The following PDE11A variants were observed in gnomAD, a reference collection of about 807,000 sequenced individuals.
PDE11A encodes the protein phosphodiesterase 11A.
Under a neutral mutation model 100.5 loss-of-function variants are expected in PDE11A, and 100 were observed. The observed-to-expected ratio is 1.00, with a 90% CI of 0.85 to 1.18. The LOEUF (loss-of-function observed/expected upper bound fraction) is 1.18, where lower values mean the gene tolerates loss of function less well. Among genes scored for constraint, PDE11A ranks in the 50% most tolerant of loss-of-function variants. The pLI, the probability that PDE11A is intolerant of heterozygous loss-of-function variation, is 0.00. For missense variants in PDE11A, 1,141 were observed against 1,152.6 expected (o/e 0.99, Z 0.15); for synonymous variants, 381 against 420.8 (o/e 0.91, Z 1.16).
chr2:177,644,293 C>T (rs771553185), intron 19 of PDE11A, among the ~76,000 whole-genome samples: 1 of 152,210 alleles, frequency 6.6e-6, no homozygotes, highest in Non-Finnish European at 1.5e-5. Context: ...GCAGAGCTTC[C>T]CAAGACCACA....
At position 178,048,316 on chromosome 2, in the gene PDE11A, C is replaced by T. The variant is rs927737192; in HGVS notation, c.912+23210G>A. 4.0e-5 allele frequency among the ~76,000 whole-genome samples: 6 copies of T among 151,764 alleles called. No homozygotes were observed. In the East Asian group the frequency reaches 1.2e-3, roughly 29 times the overall value. On this transcript the variant is annotated intron_variant, in intron 1 of 19. Transcript: ENST00000286063. ...GAAGATAAAGAAGATAAGGCAGAGG[C>T]AAGAGAGTATTGGGATGGGGGGCTG...
intron 12 of PDE11A, among the ~76,000 whole-genome samples, chr2:177,719,666 C>A (rs1418433177): frequency 6.6e-6 from 1 of 151,970 alleles, no homozygotes; most frequent in Non-Finnish European, 1.5e-5. Flanking sequence ...AATTTGAAGG[C>A]CTTATGAGCT....
intron 6 of PDE11A, among the ~76,000 whole-genome samples, chr2:177,821,240 A>T (rs1411129394): frequency 6.6e-6 from 1 of 151,834 alleles, no homozygotes; most frequent in African/African-American, 2.4e-5. Context: ...AATTTTCCAG[A>T]TATCTTCTAT....
chr2:178,024,316 G>A (rs186439262), intron 1 of PDE11A, among the ~76,000 whole-genome samples: 1 of 152,294 alleles, frequency 6.6e-6, no homozygotes, highest in Admixed American at 6.5e-5. Context: ...GGAGGCCGAG[G>A]CAGGAGAATT....
intron 6 of PDE11A, among the ~76,000 whole-genome samples, chr2:177,826,948 C>T (rs931635414): frequency 6.6e-6 from 1 of 152,158 alleles, no homozygotes; most frequent in Non-Finnish European, 1.5e-5. Flanking sequence ...CTTAATGTTT[C>T]CAATTTTGCA....
intron 5 of PDE11A, among the ~76,000 whole-genome samples, chr2:177,850,282 G>A (rs1450331706): frequency 6.6e-6 from 1 of 152,106 alleles, no homozygotes; most frequent in Non-Finnish European, 1.5e-5. Context: ...CAAGAAATGG[G>A]GAAAGGATTC....
At chr2:177,814,040 T>A (rs774378453) in intron 9 of PDE11A, among the ~76,000 whole-genome samples, 13 of 152,080 alleles carry the variant, frequency 8.5e-5, no homozygotes, top group Non-Finnish European at 1.6e-4. Context: ...TAGCCCAGGA[T>A]CTCAGAAAGA....
Position 177,696,403 on chromosome 2 carries a change from G to T in PDE11A, c.2345+929C>A, listed in dbSNP as rs573357472. ...AGGATCTAGAAAAGAAGAGAGAAAGGCAGCTGGAGATTGGGCAAGCAAGGA... is the reference window on the plus strand; with the variant it reads ...AGGATCTAGAAAAGAAGAGAGAAAGTCAGCTGGAGATTGGGCAAGCAAGGA... On this transcript the variant is annotated intron_variant, in intron 15 of 19. Coordinates refer to ENST00000286063, the MANE Select transcript of PDE11A (RefSeq NM_016953.4). Among the ~76,000 whole-genome samples the T allele has an allele frequency of 3.3e-5, 5 of 152,240 alleles. No individual in the cohort carries two copies. The East Asian group carries it at 9.7e-4, about 29-fold the overall frequency.
intron 4 of PDE11A, among the ~76,000 whole-genome samples, chr2:177,890,074 C>T (rs957354852): frequency 6.6e-6 from 1 of 152,180 alleles, no homozygotes; most frequent in East Asian, 1.9e-4. Context: ...TGTGTTCTCA[C>T]CAACACTGCT....
chr2:177,807,980 A>C lies in PDE11A; in HGVS notation c.1737+8849T>G, dbSNP rs554422239. Among the ~76,000 whole-genome samples the C allele has an allele frequency of 3.3e-5, 5 of 152,342 alleles. No homozygotes were observed. In the East Asian group the frequency reaches 9.7e-4, roughly 29 times the overall value. On this transcript the variant is annotated intron_variant, in intron 9 of 19. Coordinates refer to ENST00000286063, the MANE Select transcript of PDE11A (RefSeq NM_016953.4). ...CACATCTCTTGGGGTAGGTGAGAAA[A>C]CATTAATGAAAGACGTGAAATTTGA...
intron 10 of PDE11A, among the ~76,000 whole-genome samples, chr2:177,740,698 C>A (rs970501372): frequency 6.6e-6 from 1 of 152,248 alleles, no homozygotes; most frequent in Non-Finnish European, 1.5e-5. Context: ...AGATCCACTG[C>A]AGCACAGCAT....
At chr2:177,981,713 C>T (rs1479846184) in intron 2 of PDE11A, among the ~76,000 whole-genome samples, 1 of 150,848 alleles carries the variant, frequency 6.6e-6, no homozygotes, top group Non-Finnish European at 1.5e-5. Context: ...GAACACAACT[C>T]ACCCTATAAC....
intron 4 of PDE11A, among the ~76,000 whole-genome samples, chr2:177,895,713 T>C (rs2084602377): frequency 1.3e-5 from 2 of 152,072 alleles, no homozygotes; most frequent in Non-Finnish European, 1.5e-5. Flanking sequence ...GTTGAACTCA[T>C]AGAAGAAAAA....
chr2:177,769,044 A>C (rs1316237337), intron 10 of PDE11A, among the ~76,000 whole-genome samples: 1 of 152,156 alleles, frequency 6.6e-6, no homozygotes, highest in East Asian at 1.9e-4. Flanking sequence ...GGGTGTCCTG[A>C]TTCTCACCAT....
chr2:177,725,835 G>A (rs772545334), intron 12 of PDE11A, among the ~76,000 whole-genome samples: 2 of 152,028 alleles, frequency 1.3e-5, no homozygotes, highest in Non-Finnish European at 2.9e-5. Flanking sequence ...CTATTTTAAG[G>A]TTTGTTATAA....
At chr2:177,670,749 AAC>A (rs2080666859) in intron 17 of PDE11A, among the ~76,000 whole-genome samples, 2 of 152,204 alleles carry the variant, frequency 1.3e-5, no homozygotes, top group African/African-American at 2.4e-5. Context: ...ATAAAACTGA[AAC>A]ACAATGCTAA....
At chr2:177,835,426 CG>C (rs1558962812) in intron 6 of PDE11A, among the ~76,000 whole-genome samples, 2 of 152,318 alleles carry the variant, frequency 1.3e-5, no homozygotes, top group East Asian at 3.9e-4. Context: ...ATACTCCCCT[CG>C]GATGCATCCT....
chr2:177,866,233 C>T (rs2084027267), intron 5 of PDE11A, among the ~76,000 whole-genome samples: 2 of 152,178 alleles, frequency 1.3e-5, no homozygotes, highest in Admixed American at 6.5e-5. Flanking sequence ...TCCATCTCCA[C>T]GCCTCTGGGT....
intron 9 of PDE11A, among the ~76,000 whole-genome samples, chr2:177,812,490 G>A (rs1431823355): frequency 6.6e-6 from 1 of 152,126 alleles, no homozygotes; most frequent in African/African-American, 2.4e-5. Flanking sequence ...GAAATAGGTA[G>A]ATCAATGGGA....
Sources: gnomAD v4.1 joint callset for allele counts (sites outside exome capture counted in the v4.1 genomes callset) on GRCh38, gnomAD v4.1.1 for gene constraint, MANE v1.5 for transcripts, NCBI Gene and HGNC (gene_info 2026-07-23, HGNC 2026-07-21) for gene names.